XRCC4: variants seen among roughly 807,000 people sequenced by gnomAD.
XRCC4 encodes the protein DNA repair protein XRCC4.
XRCC4 carries 28 observed loss-of-function variants against 39.1 expected under a neutral mutation model. That is an observed-to-expected ratio of 0.72 (90% CI 0.53 to 0.98). The LOEUF is 0.98. XRCC4 is among the 50% of genes least tolerant of loss of function. The pLI, the probability that XRCC4 is intolerant of heterozygous loss-of-function variation, is 0.00. For missense variants in XRCC4, 350 were observed against 376.4 expected, an observed-to-expected ratio of 0.93 and a Z score of 0.58; for synonymous variants, 123 against 126.4, an observed-to-expected ratio of 0.97 and a Z score of 0.18.
At chr5:83,211,065 T>A (rs1751625131) in intron 6 of XRCC4, among the ~76,000 whole-genome samples, 1 of 152,226 alleles carries the variant, frequency 6.6e-6, no homozygotes, top group African/African-American at 2.4e-5. Context: ...CCAAATCAAC[T>A]ATGAATCTAA....
At position 83,203,782 on chromosome 5, in the gene XRCC4, T is replaced by C. The variant is rs377424062; in HGVS notation, c.638+75T>C. 15 of 1,539,288 alleles carry C rather than the reference T, an allele frequency of 9.7e-6. 1 individual carries two copies. Among genetic ancestry groups the C allele is most frequent in the East Asian group, 9.2e-5 (4 of 43,490 alleles). ...AATTTCTTCCCAAAGTTAATGAACA[T>C]TAGATGCCAACTTTTTGATCATATG... On this transcript the variant is annotated intron_variant, in intron 5 of 7. Coordinates refer to ENST00000396027, the MANE Select transcript of XRCC4 (RefSeq NM_003401.5).
the XRCC4 span, among the ~76,000 whole-genome samples, chr5:83,358,957 T>C: frequency 6.6e-6 from 1 of 152,174 alleles, no homozygotes; most frequent in Non-Finnish European, 1.5e-5. Context: ...ATATGCTTCA[T>C]CCCACCAGGA....
chr5:83,369,652 G>A, the XRCC4 span, among the ~76,000 whole-genome samples: 1 of 152,108 alleles, frequency 6.6e-6, no homozygotes, highest in East Asian at 1.9e-4. Context: ...ATCCACTATT[G>A]ATGGGCACCT....
At chr5:83,359,262 A>T in the XRCC4 span, among the ~76,000 whole-genome samples, 1 of 152,116 alleles carries the variant, frequency 6.6e-6, no homozygotes, top group Non-Finnish European at 1.5e-5. Flanking sequence ...GCTGCTATTG[A>T]TATAGGGCTC....
intron 3 of XRCC4, among the ~76,000 whole-genome samples, chr5:83,166,263 T>C (rs1461346214): frequency 6.6e-6 from 1 of 152,150 alleles, no homozygotes; most frequent in Non-Finnish European, 1.5e-5. Flanking sequence ...CAGTTGTGAA[T>C]AGTGCTGCAA....
In XRCC4 at chr5:83,136,376, C is replaced by G. The variant is rs556528197; in HGVS notation, c.315+25173C>G. ...TTGCCCTCTGCTCTGGCTTAGTCTT[C>G]TGGATACCATTGCTTCATTCCATGC... On this transcript the variant is annotated intron_variant, in intron 3 of 7. Transcript: ENST00000396027. Among the ~76,000 whole-genome samples, 571 of 152,292 alleles carry G rather than the reference C, an allele frequency of 3.7e-3. 2 individuals are homozygous for G. The highest frequency in any genetic ancestry group is 7.1e-3 in the Non-Finnish European group (485 of 68,010).
At chr5:83,280,473 T>C in intron 7 of XRCC4, 1 of 816,870 alleles carries the variant, frequency 1.2e-6, no homozygotes, top group Non-Finnish European at 2.1e-6. Flanking sequence ...TAGGCAAAAT[T>C]GAGGTATGTA....
At chr5:83,184,646 CATG>C (rs1350366383) in intron 3 of XRCC4, among the ~76,000 whole-genome samples, 1 of 152,040 alleles carries the variant, frequency 6.6e-6, no homozygotes, top group African/African-American at 2.4e-5. Flanking sequence ...TATCCCATAG[CATG>C]ATAATTTTAT....
At chr5:83,235,882 A>G (rs1011732800) in intron 6 of XRCC4, among the ~76,000 whole-genome samples, 2 of 152,176 alleles carry the variant, frequency 1.3e-5, no homozygotes, top group Non-Finnish European at 2.9e-5. Flanking sequence ...TGCAAGATAT[A>G]TAATCAATAT....
At chr5:83,275,709 A>G (rs908106343) in intron 7 of XRCC4, among the ~76,000 whole-genome samples, 1 of 152,196 alleles carries the variant, frequency 6.6e-6, no homozygotes, top group South Asian at 2.1e-4. Context: ...AGTCCTAGAC[A>G]TTTTGGATTT....
chr5:83,199,654 C>T (rs1751095612), intron 4 of XRCC4, among the ~76,000 whole-genome samples: 1 of 151,052 alleles, frequency 6.6e-6, no homozygotes, highest in African/African-American at 2.4e-5. Context: ...TTGTGTTTTT[C>T]CTCCTAGTTT....
intron 7 of XRCC4, among the ~76,000 whole-genome samples, chr5:83,314,590 G>C (rs1386518027): frequency 6.6e-6 from 1 of 152,062 alleles, no homozygotes; most frequent in Non-Finnish European, 1.5e-5. Context: ...AAGTGTGTTG[G>C]TGCCATTTTC....
intron 1 of XRCC4, among the ~76,000 whole-genome samples, chr5:83,091,184 C>CT (rs1393472658): frequency 7.2e-5 from 11 of 152,252 alleles, no homozygotes; most frequent in African/African-American, 2.6e-4. Flanking sequence ...GAGGAACTGC[C>CT]TAAGACTAGG....
chr5:83,275,321 G>A (rs2112938529), intron 7 of XRCC4, among the ~76,000 whole-genome samples: 1 of 149,012 alleles, frequency 6.7e-6, no homozygotes, highest in East Asian at 2.0e-4. Flanking sequence ...TTGAGACGGA[G>A]TCTCGCTCTG....
chr5:83,152,430 G>A (rs1156372179), intron 3 of XRCC4, among the ~76,000 whole-genome samples: 4 of 151,946 alleles, frequency 2.6e-5, no homozygotes, highest in Non-Finnish European at 5.9e-5. Context: ...TCAGGGATTC[G>A]AGACTCAGCC....
chr5:83,194,495 A>G (rs1221344240), intron 3 of XRCC4, among the ~76,000 whole-genome samples: 2 of 152,194 alleles, frequency 1.3e-5, no homozygotes, highest in South Asian at 2.1e-4. Context: ...AAATTGTGTA[A>G]TAAAGATTTG....
chr5:83,329,376 C>T (rs1756365279), intron 7 of XRCC4, among the ~76,000 whole-genome samples: 1 of 151,904 alleles, frequency 6.6e-6, no homozygotes, highest in African/African-American at 2.4e-5. Context: ...TATTTGTAAC[C>T]CATATAGCTG....
chr5:83,112,579 T>C (rs28383158), intron 3 of XRCC4, among the ~76,000 whole-genome samples: 270 of 152,306 alleles, frequency 1.8e-3, no homozygotes, highest in African/African-American at 6.2e-3. Context: ...ATTAATCTGT[T>C]CTCACACTGC....
At chr5:83,138,825 A>G (rs1026608715) in intron 3 of XRCC4, among the ~76,000 whole-genome samples, 1 of 152,092 alleles carries the variant, frequency 6.6e-6, no homozygotes, top group African/African-American at 2.4e-5. Flanking sequence ...TGACTAGAAC[A>G]ATGATGGTGG....
Sources: allele counts gnomAD v4.1 joint callset (sites outside exome capture counted in the v4.1 genomes callset), GRCh38; gene constraint gnomAD v4.1.1; transcripts MANE v1.5; gene names NCBI Gene and HGNC (gene_info 2026-07-23, HGNC 2026-07-21).